The following VPS16 variants were observed in gnomAD, a reference collection of about 807,000 sequenced individuals.
The protein encoded by VPS16 is VPS16 core subunit of CORVET and HOPS complexes, also known as vacuolar protein sorting-associated protein 16 homolog.
In VPS16, 82 loss-of-function variants were observed where a neutral mutation model predicts 116.0. That is an observed-to-expected ratio of 0.71 (90% CI 0.59 to 0.85). The LOEUF (loss-of-function observed/expected upper bound fraction) is 0.85. Ranked by LOEUF, VPS16 falls within the 40% of genes least tolerant of loss-of-function variation. The pLI, the probability that VPS16 is intolerant of heterozygous loss-of-function variation, is 0.00. For missense variants in VPS16, 928 were observed against 1,090.6 expected (o/e 0.85, Z 2.10); for synonymous variants, 406 against 420.7 (o/e 0.96, Z 0.43).
chr20:2,866,348 G>A (rs372901345), intron 23 of VPS16, 33 bp downstream of exon 23: 6 of 1,613,988 alleles, frequency 3.7e-6, no homozygotes, highest in South Asian at 1.1e-5. Flanking sequence ...GGTGCTGGGT[G>A]GCTGAGCTGT....
In VPS16 at chr20:2,863,299, G is replaced by A. The variant is rs1211924761; in HGVS notation, c.1377G>A (p.Leu459=). The A allele has an allele frequency of 1.7e-5, 27 of 1,614,068 alleles. No individual in the cohort carries two copies. The highest frequency in any genetic ancestry group is 5.3e-5 in the African/African-American group (4 of 74,906). The part of the protein sequence containing the change: ...TIQVLLDRLV[L]RRLYPLAIQI... The stretch of plus-strand genomic sequence containing the variant: ...CCACCGGGTCTACCAGGCTCGTGTT[G>A]CGGAGACTTTACCCCCTGGCCATCC... Residue 459 remains leucine, a synonymous_variant, in exon 15 of 24, where the codon TTG becomes TTA. Transcript: ENST00000380445. This position sits in a 1 kb window ranked among gnomAD's most constrained non-coding sequence, Gnocchi z 4.4.
At chr20:2,852,874 T>C (rs2089135291) in intron 1 of VPS16, among the ~76,000 whole-genome samples, 1 of 152,224 alleles carries the variant, frequency 6.6e-6, no homozygotes, top group African/African-American at 2.4e-5. Context: ...TCATAATTTC[T>C]TAAAACAACA....
In VPS16 at chr20:2,860,135, C is replaced by T; in HGVS notation, c.224C>T (p.Pro75Leu). Residue 75 changes from proline to leucine, a missense_variant, in exon 3 of 24, where the codon CCT becomes CTT. Physicochemically the swap from Pro to Leu is moderately conservative, Grantham distance 98. Transcript: ENST00000380445. This position sits in a 1 kb window ranked among gnomAD's most constrained non-coding sequence, Gnocchi z 6.1. ...GATATATACTCTGCTTCCGGCATGCCTCTGGCCAGCCTGCTGGTGAGCACT... is the reference window on the plus strand; with the variant it reads ...GATATATACTCTGCTTCCGGCATGCTTCTGGCCAGCCTGCTGGTGAGCACT... ...VLDIYSASGM[P>L]LASLLWKSGP... 1 of 1,614,082 alleles carries T rather than the reference C, an allele frequency of 6.2e-7. No individual in the cohort carries two copies. Among genetic ancestry groups the T allele is most frequent in the Non-Finnish European group, 8.5e-7 (1 of 1,180,018 alleles).
intron 1 of VPS16, among the ~76,000 whole-genome samples, chr20:2,857,497 G>GTTGTATTTC (rs1226732427): frequency 6.7e-6 from 1 of 148,600 alleles, no homozygotes; most frequent in Non-Finnish European, 1.5e-5. Context: ...TCTCTTAAAA[G>GTTGTATTTC]TTGTATTTCT....
chr20:2,859,622 G>T, intron 1 of VPS16, 97 bp from the exon 2 acceptor site: 1 of 1,384,032 alleles, frequency 7.2e-7, no homozygotes, highest in Non-Finnish European at 1.0e-6. Context: ...CTACAGCCTT[G>T]TGGAAGACAA....
In VPS16 at chr20:2,860,824, T is replaced by C; in HGVS notation, c.591T>C (p.Pro197=). 1 of 1,614,134 alleles carries C rather than the reference T, an allele frequency of 6.2e-7. No individual in the cohort carries two copies. The highest frequency in any genetic ancestry group is 1.3e-5 in the African/African-American group (1 of 75,062). Residue 197 remains proline (P), a synonymous_variant, in exon 6 of 24, where the codon CCT becomes CCC. Coordinates refer to ENST00000380445, the MANE Select transcript of VPS16 (RefSeq NM_022575.4). The surrounding 1 kb of genome is among the most constrained non-coding windows in gnomAD (Gnocchi z 6.1). ...CACACATTCTTCTGGCTGTGGGGCC[T>C]GACCTTTACCTCTTGGACCATGCAG... ...RVAHILLAVG[P]DLYLLDHAAC...
At chr20:2,842,657 GATATATAGATGTATCTATAT>G (rs1023299049) in intron 1 of VPS16, among the ~76,000 whole-genome samples, 3 of 89,592 alleles carry the variant, frequency 3.3e-5, no homozygotes, top group East Asian at 4.1e-4. Flanking sequence ...GATATAGATA[GATATATAGATGTATCTATAT>G]ATATATAGAT....
rs1290279159 is a variant in VPS16, at chr20:2,865,617, C to T, written c.2271+122C>T. 2 of 881,932 alleles carry T rather than the reference C, an allele frequency of 2.3e-6. No individual in the cohort carries two copies. The highest frequency in any genetic ancestry group is 2.6e-5 in the East Asian group (1 of 37,944). The allele number at this position is 881,932 out of a possible 1,614,324, so 54.6% of individuals were successfully genotyped here. The stretch of plus-strand genomic sequence containing the variant: ...CCTGTTCAGCTGCCCGCATAGTTAG[C>T]GAGTGCTTCCTGTATACACATTTGT... On this transcript the variant is annotated intron_variant, in intron 22 of 23. Coordinates refer to ENST00000380445, the MANE Select transcript of VPS16 (RefSeq NM_022575.4). This position sits in a 1 kb window ranked among gnomAD's most constrained non-coding sequence, Gnocchi z 5.2.
rs1304287916 is a variant in VPS16, at chr20:2,860,333, A to G, written c.335A>G (p.His112Arg). 4 of 1,613,944 alleles carry G rather than the reference A, an allele frequency of 2.5e-6. No individual in the cohort carries two copies. The highest frequency in any genetic ancestry group is 1.3e-5 in the African/African-American group (1 of 74,882). Residue 112 changes from histidine (H) to arginine (R), a missense_variant, in exon 4 of 24, where the codon CAT becomes CGT. Transcript: ENST00000380445. This position sits in a 1 kb window ranked among gnomAD's most constrained non-coding sequence, Gnocchi z 6.1. ...GGTGCTGTACTGGTTTATGGGCTTCATGGTGACTTCCGGAGACACTTCAGC... is the reference window on the plus strand; with the variant it reads ...GGTGCTGTACTGGTTTATGGGCTTCGTGGTGACTTCCGGAGACACTTCAGC... ...EDGAVLVYGL[H>R]GDFRRHFSMG...
chr20:2,855,759 C>A (rs1482623468), intron 1 of VPS16, among the ~76,000 whole-genome samples: 5 of 152,198 alleles, frequency 3.3e-5, no homozygotes, highest in Non-Finnish European at 7.4e-5. Context: ...ACCTCATGAA[C>A]AAACCTCTGC....
intron 1 of VPS16, among the ~76,000 whole-genome samples, chr20:2,856,012 G>A (rs200760667): frequency 6.6e-6 from 1 of 152,232 alleles, no homozygotes; most frequent in Non-Finnish European, 1.5e-5. Context: ...TTGGCTAACT[G>A]GCACACGAGG....
intron 1 of VPS16, among the ~76,000 whole-genome samples, chr20:2,852,303 G>C (rs1374011801): frequency 6.6e-6 from 1 of 152,116 alleles, no homozygotes; most frequent in Admixed American, 6.6e-5. Context: ...GCCCTCTGCT[G>C]AGAAAGCTTA....
intron 1 of VPS16, among the ~76,000 whole-genome samples, chr20:2,853,720 T>G (rs2089144321): frequency 6.6e-6 from 1 of 152,120 alleles, no homozygotes; most frequent in African/African-American, 2.4e-5. Flanking sequence ...TCACCCAGGC[T>G]GGAGTGCAGT....
Position 2,842,702 on chromosome 20 carries a change from C to CTATA in VPS16, c.53+1880_53+1883dup, listed in dbSNP as rs1194946513. ...TATATATAGATACATCTAGATGTAT[C>CTATA]TATATATAGATAGACATATGGATGT... On this transcript the variant is annotated intron_variant, in intron 1 of 23. Coordinates refer to ENST00000380445, the MANE Select transcript of VPS16 (RefSeq NM_022575.4). 6.0e-4 allele frequency among the ~76,000 whole-genome samples: 75 copies of CTATA among 125,164 alleles called. 4 individuals are homozygous for CTATA. Among genetic ancestry groups the CTATA allele is most frequent in the African/African-American group, 2.4e-3 (64 of 26,608 alleles). The allele number at this position is 125,164 out of a possible 152,430, so 82.1% of individuals were successfully genotyped here.
chr20:2,853,784 T>C (rs556950690), intron 1 of VPS16, among the ~76,000 whole-genome samples: 5 of 152,244 alleles, frequency 3.3e-5, no homozygotes, highest in Admixed American at 3.3e-4. Flanking sequence ...GCGATTCTCC[T>C]GCCTCAGCTT....
chr20:2,865,621 T>C lies in VPS16; in HGVS notation c.2271+126T>C. ...TTCAGCTGCCCGCATAGTTAGCGAG[T>C]GCTTCCTGTATACACATTTGTGGGC... On this transcript the variant is annotated intron_variant, in intron 22 of 23. Coordinates refer to ENST00000380445, the MANE Select transcript of VPS16 (RefSeq NM_022575.4). This position sits in a 1 kb window ranked among gnomAD's most constrained non-coding sequence, Gnocchi z 5.2. 1 of 870,336 alleles carries C rather than the reference T, an allele frequency of 1.1e-6. No homozygotes were observed. The highest frequency in any genetic ancestry group is 1.7e-6 in the Non-Finnish European group (1 of 571,828). The allele number at this position is 870,336 out of a possible 1,614,324, so 53.9% of individuals were successfully genotyped here.
Position 2,864,515 on chromosome 20 carries a change from C to A in VPS16, c.1819-32C>A. On this transcript the variant is annotated intron_variant, in intron 18 of 23. Coordinates refer to ENST00000380445, the MANE Select transcript of VPS16 (RefSeq NM_022575.4). This position sits in a 1 kb window ranked among gnomAD's most constrained non-coding sequence, Gnocchi z 5.2. ...TAGCCTTCTGAGCACTTGAGTTGGCCTTGCTGACTGATTGCCTGCCTGTGG... is the reference window on the plus strand; with the variant it reads ...TAGCCTTCTGAGCACTTGAGTTGGCATTGCTGACTGATTGCCTGCCTGTGG... The A allele has an allele frequency of 6.2e-7, 1 of 1,614,030 alleles. No homozygotes were observed. The highest frequency in any genetic ancestry group is 2.2e-5 in the East Asian group (1 of 44,878).
At chr20:2,848,323 A>T (rs1162344936) in intron 1 of VPS16, among the ~76,000 whole-genome samples, 1 of 152,174 alleles carries the variant, frequency 6.6e-6, no homozygotes, top group East Asian at 1.9e-4. Flanking sequence ...GGTTCACTGC[A>T]GCCTCGACCT....
rs769436135 is a variant in VPS16 at position 2,861,723 on chromosome 20, C to A, written c.899+19C>A. 6.2e-7 allele frequency: 1 copy of A among 1,612,392 alleles called. No homozygotes were observed. ...GCATCCAGTATCCTTGGAGGGCTGC[C>A]TGTGTGTGGAGAGAGGGGAGGGGAG... On this transcript the variant is annotated intron_variant, in intron 9 of 23. Coordinates refer to ENST00000380445, the MANE Select transcript of VPS16 (RefSeq NM_022575.4).
Sources: gnomAD v4.1 joint callset for allele counts (sites outside exome capture counted in the v4.1 genomes callset) on GRCh38, gnomAD v4.1.1 for gene constraint, Gnocchi (gnomAD v3.1) non-coding constraint, MANE v1.5 for transcripts, NCBI Gene and HGNC (gene_info 2026-07-23, HGNC 2026-07-21) for gene names.